The following LRRC15 variants were observed in gnomAD, a reference collection of about 807,000 sequenced individuals.
The protein encoded by LRRC15 is leucine rich repeat containing 15.
Under a neutral mutation model 4.3 loss-of-function variants are expected in LRRC15, and 5 were observed. The ratio of observed to expected loss-of-function variants is 1.16; its 90% CI spans 0.61 to 2.44. LRRC15 has a LOEUF of 2.44. Ranked by LOEUF, LRRC15 falls within the 30% of genes most tolerant of loss-of-function variation. The pLI is 0.01. For missense variants in LRRC15, 769 were observed against 747.0 expected (o/e 1.03, Z -0.34); for synonymous variants, 337 against 323.2 (o/e 1.04, Z -0.46).
intron 1 of LRRC15, among the ~76,000 whole-genome samples, chr3:194,364,180 T>A (rs886838105): frequency 2.6e-5 from 4 of 152,192 alleles, no homozygotes; most frequent in Non-Finnish European, 4.4e-5. Context: ...GTCCTGTCCA[T>A]TCCTAAGACC....
At chr3:194,366,969 G>C (rs1713797525) in intron 1 of LRRC15, among the ~76,000 whole-genome samples, 2 of 151,996 alleles carry the variant, frequency 1.3e-5, no homozygotes, top group African/African-American at 4.8e-5. Context: ...CACACGCCTG[G>C]CAGGGCCTGG....
rs138460506 is a variant in LRRC15, at chr3:194,368,421, C to T, written c.-4+1240G>A. ...ATCTATCCAGAACTTACCCTGGCCCCGAACCCTCTCACATGCCTGCCTCAT... is the reference window on the plus strand; with the variant it reads ...ATCTATCCAGAACTTACCCTGGCCCTGAACCCTCTCACATGCCTGCCTCAT... On this transcript the variant is annotated intron_variant, in intron 1 of 1. Coordinates refer to ENST00000347624, the MANE Select transcript of LRRC15 (RefSeq NM_130830.5). Among the ~76,000 whole-genome samples, 22 of 152,270 alleles carry T rather than the reference C, an allele frequency of 1.4e-4. 1 individual carries two copies. Among genetic ancestry groups the T allele is most frequent in the African/African-American group, 5.3e-4 (22 of 41,546 alleles).
rs1407211845 is a variant in LRRC15 at position 194,357,077 on chromosome 3, C to T, written c.*2221G>A. 1 of 152,250 alleles carries T rather than the reference C, an allele frequency of 6.6e-6. No individual in the cohort carries two copies. The highest frequency in any genetic ancestry group is 2.4e-5 in the African/African-American group (1 of 41,436). 9.4% of individuals were successfully genotyped at this position (152,250 alleles called of 1,614,324 possible). A position where few individuals can be genotyped will look rare whatever the true frequency, so the allele number is the denominator to read the frequency against. ...ATGACATCTCTTGACTCTGACGGGC[C>T]TCATCTCTCCTAGATTCCCTGGGAC... On this transcript the variant is annotated 3_prime_UTR_variant, in exon 2 of 2. Coordinates refer to ENST00000347624, the MANE Select transcript of LRRC15 (RefSeq NM_130830.5).
In LRRC15 at chr3:194,356,160, G is replaced by A. The variant is rs1032888695; in HGVS notation, c.*3138C>T. On this transcript the variant is annotated 3_prime_UTR_variant, in exon 2 of 2. Transcript: ENST00000347624. ...CAAGTGCCTCTGTACCCCATCACAAGTGGGTAGAGGCGGCACTCCTACCGC... is the reference window on the plus strand; with the variant it reads ...CAAGTGCCTCTGTACCCCATCACAAATGGGTAGAGGCGGCACTCCTACCGC... 1.3e-5 allele frequency: 2 copies of A among 152,238 alleles called. No homozygotes were observed. Among genetic ancestry groups the A allele is most frequent in the Non-Finnish European group, 2.9e-5 (2 of 68,058 alleles). 9.4% of individuals were successfully genotyped at this position (152,238 alleles called of 1,614,324 possible). A position where few individuals can be genotyped will look rare whatever the true frequency, so the allele number is the denominator to read the frequency against.
intron 1 of LRRC15, chr3:194,363,378 C>A: frequency 7.0e-6 from 5 of 713,520 alleles, no homozygotes. Flanking sequence ...CATCTAGATG[C>A]AAAGGAATGG....
chr3:194,361,215 C>T (rs929033634), intron 1 of LRRC15, among the ~76,000 whole-genome samples, 169 bp from the exon 2 acceptor site: 1 of 152,268 alleles, frequency 6.6e-6, no homozygotes, highest in African/African-American at 2.4e-5. Context: ...CACCTTTGCC[C>T]TGCCTTTCTG....
chr3:194,368,527 C>T (rs1015240076), intron 1 of LRRC15, among the ~76,000 whole-genome samples: 4 of 152,126 alleles, frequency 2.6e-5, no homozygotes, highest in African/African-American at 7.2e-5. Flanking sequence ...GATGTTCAGT[C>T]TCTGCAGAAT....
intron 1 of LRRC15, among the ~76,000 whole-genome samples, chr3:194,365,296 G>A (rs1304658328): frequency 3.9e-5 from 6 of 152,176 alleles, no homozygotes; most frequent in African/African-American, 7.2e-5. Flanking sequence ...AGAAGTGCAC[G>A]AACCAGGGCT....
chr3:194,363,857 G>T (rs1713705424), intron 1 of LRRC15, among the ~76,000 whole-genome samples: 1 of 152,156 alleles, frequency 6.6e-6, no homozygotes, highest in South Asian at 2.1e-4. Flanking sequence ...AAATTAAAAT[G>T]AAGGAGCTGT....
chr3:194,369,373 A>G (rs936289848), intron 1 of LRRC15, among the ~76,000 whole-genome samples: 6 of 152,250 alleles, frequency 3.9e-5, no homozygotes, highest in African/African-American at 1.4e-4. Flanking sequence ...GGTCTCAGAC[A>G]TCTCAGCACC....
chr3:194,360,405 G>A lies in LRRC15; in HGVS notation c.639C>T (p.Pro213=). ...RLYENRLTDI[P]MGTFDGLVNL... is the part of the protein sequence containing the mutation. ...TAACAAGCCCATCAAAAGTGCCCAT[G>A]GGGATATCCGTGAGCCTGTTCTCAT... Residue 213 remains proline (P), a synonymous_variant, in exon 2 of 2, where the codon CCC becomes CCT. Coordinates refer to ENST00000347624, the MANE Select transcript of LRRC15 (RefSeq NM_130830.5). 6.2e-7 allele frequency: 1 copy of A among 1,614,172 alleles called. No homozygotes were observed. The highest frequency in any genetic ancestry group is 8.5e-7 in the Non-Finnish European group (1 of 1,180,036).
chr3:194,360,247 A>G lies in LRRC15; in HGVS notation c.797T>C (p.Met266Thr), dbSNP rs1182640549. ...HISQLPPSVF[M>T]QLPQLNRLTL... ...AAGACGGTTGAGCTGGGGCAGCTGC[A>G]TGAAGACGCTGGGTGGCAGCTGGGA... Residue 266 changes from methionine to threonine, a missense_variant, in exon 2 of 2, where the codon ATG (methionine) becomes ACG (threonine). Transcript: ENST00000347624. 4.3e-6 allele frequency: 7 copies of G among 1,613,704 alleles called. No homozygotes were observed. The East Asian group carries it at 6.7e-5, about 15-fold the overall frequency.
chr3:194,362,026 G>A (rs1713642172), intron 1 of LRRC15, among the ~76,000 whole-genome samples: 1 of 152,170 alleles, frequency 6.6e-6, no homozygotes, highest in African/African-American at 2.4e-5. Flanking sequence ...TGTACTTTGA[G>A]CTAAAAGATG....
rs746132021 is a variant in LRRC15, at chr3:194,361,031, G to C, written c.13C>G (p.His5Asp). Reference sequence around the variant, plus strand: ...CAGCCCACCAGCAAAAGGAGATAATGCTTCAGTGGCATAGCCTGTGCAAGG... The same window carrying C: ...CAGCCCACCAGCAAAAGGAGATAATCCTTCAGTGGCATAGCCTGTGCAAGG... The part of the protein sequence containing the change: MPLK[H>D]YLLLLVGCQA... Residue 5 changes from histidine to aspartate, a missense_variant, in exon 2 of 2, where the codon CAT becomes GAT. By Grantham distance (81) the His-to-Asp change is moderately conservative (BLOSUM62 -1). Transcript: ENST00000347624. 4 of 1,513,112 alleles carry C rather than the reference G, an allele frequency of 2.6e-6. No individual in the cohort carries two copies. The East Asian group carries it at 9.1e-5, about 34-fold the overall frequency. The allele number at this position is 1,513,112 out of a possible 1,614,324, so 93.7% of individuals were successfully genotyped here. A position where few individuals can be genotyped will look rare whatever the true frequency, so the allele number is the denominator to read the frequency against.
intron 1 of LRRC15, 111 bp from the exon 2 acceptor site, chr3:194,361,157 A>T: frequency 1.1e-6 from 1 of 887,748 alleles, no homozygotes; most frequent in Non-Finnish European, 1.6e-6. Context: ...GAACCCCATC[A>T]TCACATACTG....
In LRRC15 at chr3:194,357,793, A is replaced by G. The variant is rs1713475487; in HGVS notation, c.*1505T>C. Reference sequence around the variant, plus strand: ...TGGAGAATTTTACCACATTAGAAAGACACTAGATTCCGTTACACTTCGTTT... The same window carrying G: ...TGGAGAATTTTACCACATTAGAAAGGCACTAGATTCCGTTACACTTCGTTT... On this transcript the variant is annotated 3_prime_UTR_variant, in exon 2 of 2. Transcript: ENST00000347624. 1 of 152,216 alleles carries G rather than the reference A, an allele frequency of 6.6e-6. No homozygotes were observed. Among genetic ancestry groups the G allele is most frequent in the South Asian group, 2.1e-4 (1 of 4,828 alleles). 9.4% of individuals were successfully genotyped at this position (152,216 alleles called of 1,614,324 possible). A position where few individuals can be genotyped will look rare whatever the true frequency, so the allele number is the denominator to read the frequency against.
chr3:194,367,962 G>A (rs6810366), intron 1 of LRRC15, among the ~76,000 whole-genome samples: 122,855 of 152,262 alleles, frequency 0.81, 50,087 homozygotes, highest in East Asian at 0.94. Context: ...TGGCAAGGGT[G>A]GCAGGAGAAA....
At chr3:194,365,127 A>G (rs903566146) in intron 1 of LRRC15, among the ~76,000 whole-genome samples, 1 of 152,240 alleles carries the variant, frequency 6.6e-6, no homozygotes, top group African/African-American at 2.4e-5. Flanking sequence ...AGCGTCGTCA[A>G]TCACTTCAGT....
At chr3:194,365,120 G>T (rs914998344) in intron 1 of LRRC15, among the ~76,000 whole-genome samples, 1 of 152,222 alleles carries the variant, frequency 6.6e-6, no homozygotes, top group Non-Finnish European at 1.5e-5. Context: ...AGCCGAGAGC[G>T]TCGTCAATCA....
Sources: gnomAD v4.1 joint callset for allele counts (sites outside exome capture counted in the v4.1 genomes callset) on GRCh38, gnomAD v4.1.1 for gene constraint, MANE v1.5 for transcripts, NCBI Gene and HGNC (gene_info 2026-07-23, HGNC 2026-07-21) for gene names.